CENPP: variants seen among roughly 807,000 people sequenced by gnomAD.
The protein encoded by CENPP is centromere protein P.
Under a neutral mutation model 35.6 loss-of-function variants are expected in CENPP, and 24 were observed. The observed-to-expected ratio is 0.67, with a 90% CI of 0.49 to 0.95. CENPP has a LOEUF of 0.95. Among genes scored for constraint, CENPP ranks in the 40% least tolerant of loss-of-function variants. The pLI, the probability that CENPP is intolerant of heterozygous loss-of-function variation, is 0.00. For missense variants in CENPP, 332 were observed against 345.3 expected (o/e 0.96, Z 0.31); for synonymous variants, 120 against 125.5 (o/e 0.96, Z 0.29).
chr9:92,538,033 C>G (rs1367952780), intron 5 of CENPP, among the ~76,000 whole-genome samples: 1 of 152,072 alleles, frequency 6.6e-6, no homozygotes, highest in Non-Finnish European at 1.5e-5. Flanking sequence ...TCTCCTCTTC[C>G]TTGAGGACAG....
At chr9:92,570,283 A>C (rs530778256) in intron 5 of CENPP, among the ~76,000 whole-genome samples, 2 of 152,174 alleles carry the variant, frequency 1.3e-5, no homozygotes, top group Admixed American at 1.3e-4. Flanking sequence ...AGTTTTTGGC[A>C]TGAAGGGCTG....
intron 5 of CENPP, among the ~76,000 whole-genome samples, chr9:92,546,316 T>C (rs1849444892): frequency 6.6e-6 from 1 of 152,222 alleles, no homozygotes; most frequent in African/African-American, 2.4e-5. Context: ...AAGCTAGCCC[T>C]GACAACCCAC....
intron 2 of CENPP, among the ~76,000 whole-genome samples, chr9:92,333,892 C>T (rs1486668074): frequency 6.6e-6 from 1 of 152,244 alleles, no homozygotes; most frequent in Admixed American, 6.5e-5. Context: ...GCTAGGTAAT[C>T]AAATGATCTT....
chr9:92,390,587 T>TGTGTGTGTGTGTGTGTGTGTGCGCGC (rs749697394), intron 5 of CENPP, among the ~76,000 whole-genome samples: 1 of 141,814 alleles, frequency 7.1e-6, no homozygotes, highest in East Asian at 2.3e-4. Context: ...TGTGTGTGTG[T>TGTGTGTGTGTGTGTGTGTGTGCGCGC]GCGCGCGCGC....
intron 5 of CENPP, among the ~76,000 whole-genome samples, chr9:92,580,458 T>C (rs1481886086): frequency 6.6e-6 from 1 of 152,198 alleles, no homozygotes; most frequent in Non-Finnish European, 1.5e-5. Flanking sequence ...GGTAAGCTAT[T>C]GATTATTGCC....
At chr9:92,610,516 G>A (rs1313749739) in intron 5 of CENPP, 3 of 152,232 alleles carry the variant, frequency 2.0e-5, no homozygotes, top group African/African-American at 7.2e-5. Flanking sequence ...ACCAGGTCCT[G>A]CTGTAACAGA....
rs796543672 is a variant in CENPP at position 92,536,973 on chromosome 9, G to T, written c.565-74341G>T. On this transcript the variant is annotated intron_variant, in intron 5 of 7. Transcript: ENST00000375587. The stretch of plus-strand genomic sequence containing the variant: ...AAACCTCCGCCTCCCAGGTTCAAGG[G>T]ATTCTCCTGCCTCAGCTTCCCGAGT... Among the ~76,000 whole-genome samples, 10 of 151,686 alleles carry T rather than the reference G, an allele frequency of 6.6e-5. No homozygotes were observed. In the East Asian group the frequency reaches 1.4e-3, roughly 21 times the overall value.
At chr9:92,372,770 G>A (rs141967708) in intron 4 of CENPP, among the ~76,000 whole-genome samples, 247 of 150,540 alleles carry the variant, frequency 1.6e-3, no homozygotes, top group Non-Finnish European at 2.8e-3. Context: ...TGGCCTGTGA[G>A]TTTTCTCCTG....
intron 1 of CENPP, among the ~76,000 whole-genome samples, chr9:92,329,676 G>T (rs1840681056): frequency 6.6e-6 from 1 of 152,038 alleles, no homozygotes; most frequent in South Asian, 2.1e-4. Flanking sequence ...CACCAGCCAA[G>T]TAGTTGGGAC....
chr9:92,349,384 G>A (rs1028741120), intron 4 of CENPP, among the ~76,000 whole-genome samples: 1 of 151,366 alleles, frequency 6.6e-6, no homozygotes, highest in African/African-American at 2.4e-5. Context: ...GGTGAATATA[G>A]CATATTATAT....
At chr9:92,350,758 C>G (rs1841420458) in intron 4 of CENPP, among the ~76,000 whole-genome samples, 1 of 152,124 alleles carries the variant, frequency 6.6e-6, no homozygotes, top group African/African-American at 2.4e-5. Context: ...CTCCAGTGTT[C>G]CCTATAAACT....
chr9:92,433,195 T>C (rs991495495), intron 5 of CENPP, among the ~76,000 whole-genome samples: 2 of 152,228 alleles, frequency 1.3e-5, no homozygotes, highest in Admixed American at 6.5e-5. Context: ...AAGGGACTTC[T>C]TGCTGGGTTA....
intron 5 of CENPP, among the ~76,000 whole-genome samples, chr9:92,561,041 C>A (rs536219062): frequency 3.9e-5 from 6 of 152,230 alleles, no homozygotes; most frequent in Admixed American, 3.9e-4. Context: ...TCTTCTCTTA[C>A]CATTCTTGCT....
intron 5 of CENPP, among the ~76,000 whole-genome samples, chr9:92,559,139 G>A (rs1222344754): frequency 6.6e-6 from 1 of 152,176 alleles, no homozygotes; most frequent in East Asian, 1.9e-4. Context: ...CTGGCCAGGA[G>A]GCTTCTTGTC....
chr9:92,438,963 G>A (rs117096393), intron 5 of CENPP, among the ~76,000 whole-genome samples: 233 of 152,216 alleles, frequency 1.5e-3, no homozygotes, highest in Middle Eastern at 3.4e-3. Flanking sequence ...TCAATCAATC[G>A]GTCAATCAAT....
intron 5 of CENPP, chr9:92,514,948 C>G: frequency 6.2e-7 from 1 of 1,614,130 alleles, no homozygotes; most frequent in Non-Finnish European, 8.5e-7. Flanking sequence ...GTCTCCTCCT[C>G]TGCTGTCCCC....
At chr9:92,333,966 C>T (rs1840838120) in intron 2 of CENPP, among the ~76,000 whole-genome samples, 1 of 152,164 alleles carries the variant, frequency 6.6e-6, no homozygotes, top group African/African-American at 2.4e-5. Context: ...TTTATTTCTC[C>T]AAACATTTTT....
At chr9:92,595,398 C>A (rs369984001) in intron 5 of CENPP, among the ~76,000 whole-genome samples, 1 of 151,596 alleles carries the variant, frequency 6.6e-6, no homozygotes, top group East Asian at 2.0e-4. Context: ...TGCAACACCA[C>A]ACGCAGCTAA....
intron 5 of CENPP, among the ~76,000 whole-genome samples, chr9:92,530,982 T>C (rs577553632): frequency 7.9e-5 from 12 of 152,320 alleles, no homozygotes; most frequent in African/African-American, 2.9e-4. Context: ...TTTTGATTAA[T>C]GTCTGCAAAA....
Sources: gnomAD v4.1 joint callset for allele counts (sites outside exome capture counted in the v4.1 genomes callset) on GRCh38, gnomAD v4.1.1 for gene constraint, MANE v1.5 for transcripts, NCBI Gene and HGNC (gene_info 2026-07-23, HGNC 2026-07-21) for gene names.